The following MYO7A variants were observed in gnomAD, a reference collection of about 807,000 sequenced individuals.
MYO7A encodes the protein unconventional myosin-VIIa.
A neutral mutation model predicts 263.8 loss-of-function variants in MYO7A; 210 were observed. The observed-to-expected ratio is 0.80, with a 90% CI of 0.71 to 0.89. The LOEUF is 0.89. MYO7A is among the 40% of genes least tolerant of loss of function. The pLI, the probability that MYO7A is intolerant of heterozygous loss-of-function variation, is 0.00. For missense variants in MYO7A, 2,820 were observed against 2,968.3 expected, an observed-to-expected ratio of 0.95 and a Z score of 1.16; for synonymous variants, 1,239 against 1,197.3, an observed-to-expected ratio of 1.03 and a Z score of -0.72.
chr11:77,206,235 C>T lies in MYO7A; in HGVS notation c.5742+33C>T, dbSNP rs570056330. The T allele has an allele frequency of 1.4e-5, 21 of 1,547,646 alleles. No homozygotes were observed. In the South Asian group the frequency reaches 1.6e-4, roughly 12 times the overall value. Reference sequence around the variant, plus strand: ...TCACCGGCTTCTAGGTCTGCAGTGCCCAGGACAGGGCCGGGCTTCCTGGGT... The same window carrying T: ...TCACCGGCTTCTAGGTCTGCAGTGCTCAGGACAGGGCCGGGCTTCCTGGGT... On this transcript the variant is annotated intron_variant, in intron 41 of 48. Coordinates refer to ENST00000409709, the MANE Select transcript of MYO7A (RefSeq NM_000260.4).
rs77808259 is a variant in MYO7A at position 77,156,587 on chromosome 11, G to A, written c.471-73G>A. ...GATGGGGGAGCTGGTGGATGGTGCA[G>A]CCTGGGCTGAGTTCCAGTTGGTGGG... On this transcript the variant is annotated intron_variant, in intron 5 of 48. Transcript: ENST00000409709. 2,778 of 1,597,022 alleles carry A rather than the reference G, an allele frequency of 1.7e-3. 44 individuals carry two copies. The African/African-American group carries it at 0.035, about 20-fold the overall frequency.
chr11:77,179,433 C>T (rs1368685891), intron 20 of MYO7A, among the ~76,000 whole-genome samples: 1 of 152,230 alleles, frequency 6.6e-6, no homozygotes, highest in Non-Finnish European at 1.5e-5. Context: ...GACCTCTGTG[C>T]AGCAGCTGGG....
intron 17 of MYO7A, among the ~76,000 whole-genome samples, 177 bp downstream of exon 17, chr11:77,175,091 G>A (rs964277041): frequency 1.3e-5 from 2 of 152,220 alleles, no homozygotes; most frequent in East Asian, 3.9e-4. Flanking sequence ...CAGTTGCCAT[G>A]TTCAGCTGGT....
In MYO7A at chr11:77,179,792, C is replaced by G. The variant is rs1955013824; in HGVS notation, c.2425C>G (p.Gln809Glu). ...ALHRSRKLHQ[Q>E]YRLARQRIIQ... ...GCACCGCTCCCGGAAGCTGCACCAGCAGTACCGCCTGGCCCGCCAGCGCAT... is the reference window on the plus strand; with the variant it reads ...GCACCGCTCCCGGAAGCTGCACCAGGAGTACCGCCTGGCCCGCCAGCGCAT... Residue 809 changes from glutamine (Q) to glutamate (E), a missense_variant, in exon 21 of 49, where the codon CAG becomes GAG. Transcript: ENST00000409709. 6.4e-7 allele frequency: 1 copy of G among 1,550,584 alleles called. No homozygotes were observed. Among genetic ancestry groups the G allele is most frequent in the African/African-American group, 1.4e-5 (1 of 73,258 alleles).
At chr11:77,203,024 G>A (rs746383956) in intron 37 of MYO7A, 36 bp from the exon 38 acceptor site, 202 of 1,541,482 alleles carry the variant, frequency 1.3e-4, no homozygotes, top group East Asian at 3.4e-4. Flanking sequence ...GGCTGCCAGC[G>A]ATGGGGCGTT....
intron 19 of MYO7A, 55 bp from the exon 20 acceptor site, chr11:77,178,990 C>G: frequency 6.8e-7 from 1 of 1,470,396 alleles, no homozygotes; most frequent in South Asian, 1.2e-5. Context: ...CCAAACCCAC[C>G]TGTACCCTGG....
At chr11:77,204,263 A>C (rs1591479887) in intron 39 of MYO7A, 34 bp downstream of exon 39, 1 of 1,553,320 alleles carries the variant, frequency 6.4e-7, no homozygotes, top group South Asian at 1.2e-5. Flanking sequence ...TGAGGGGCAG[A>C]CCTCACCTGC....
chr11:77,157,491 G>A, intron 8 of MYO7A, 99 bp downstream of exon 8: 1 of 775,676 alleles, frequency 1.3e-6, no homozygotes, highest in Non-Finnish European at 2.1e-6. Flanking sequence ...CTGGTCACAG[G>A]GCTCAGGTGC....
At position 77,165,928 on chromosome 11, in the gene MYO7A, G is replaced by GT. The variant is rs761344292; in HGVS notation, c.1691-128_1691-127insT. ...AAGTCTCTGTCCCCTCCAGGCCTCA[G>GT]GGCCCCCGTCATGAAATGGATGTGG... On this transcript the variant is annotated intron_variant, in intron 14 of 48. Transcript: ENST00000409709. 0.011 allele frequency: 6,963 copies of GT among 632,046 alleles called. 66 individuals carry two copies. Among genetic ancestry groups the GT allele is most frequent in the Non-Finnish European group, 0.014 (5,118 of 369,148 alleles). The allele number at this position is 632,046 out of a possible 1,614,324, so 39.2% of individuals were successfully genotyped here.
At position 77,144,096 on chromosome 11, in the gene MYO7A, C is replaced by T. The variant is rs183760340; in HGVS notation, c.132+1274C>T. Among the ~76,000 whole-genome samples the T allele has an allele frequency of 4.6e-5, 7 of 152,274 alleles. No homozygotes were observed. In the East Asian group the frequency reaches 1.2e-3, roughly 25 times the overall value. On this transcript the variant is annotated intron_variant, in intron 3 of 48. Coordinates refer to ENST00000409709, the MANE Select transcript of MYO7A (RefSeq NM_000260.4). The stretch of plus-strand genomic sequence containing the variant: ...GTAAGTGATGGTGCTGGGATTAGAA[C>T]CCAGGACCTCTGTCTTCTATGCATG...
At chr11:77,187,849 C>T (rs1955756182) in intron 27 of MYO7A, among the ~76,000 whole-genome samples, 1 of 152,158 alleles carries the variant, frequency 6.6e-6, no homozygotes, top group South Asian at 2.1e-4. Context: ...AAACTGAGGT[C>T]CAGAGTAGGG....
chr11:77,206,174 A>G lies in MYO7A; in HGVS notation c.5714A>G (p.Lys1905Arg). ...IQHKTTQIFH[K>R]VYFPDDTDEA... ...CACAAGACCACCCAGATTTTCCACA[A>G]AGTCTACTTCCCTGATGACACTGAC... Residue 1905 changes from lysine to arginine, a missense_variant, in exon 41 of 49, where the codon AAA becomes AGA. Lys to Arg is a conservative substitution (Grantham distance 26, BLOSUM62 2). Coordinates refer to ENST00000409709, the MANE Select transcript of MYO7A (RefSeq NM_000260.4). 6.2e-7 allele frequency: 1 copy of G among 1,613,288 alleles called. No individual in the cohort carries two copies. Among genetic ancestry groups the G allele is most frequent in the African/African-American group, 1.3e-5 (1 of 74,982 alleles).
At chr11:77,142,881 C>A in intron 3 of MYO7A, 59 bp downstream of exon 3, 2 of 1,372,656 alleles carry the variant, frequency 1.5e-6, no homozygotes, top group Non-Finnish European at 2.0e-6. Context: ...GGGCTGACAG[C>A]TGCCTTGATG....
chr11:77,192,844 G>T (rs1956200685), intron 31 of MYO7A, among the ~76,000 whole-genome samples: 1 of 151,770 alleles, frequency 6.6e-6, no homozygotes, highest in East Asian at 1.9e-4. Flanking sequence ...GATGGTGGAG[G>T]TAGTGATGGT....
chr11:77,197,430 C>A lies in MYO7A; in HGVS notation c.4324-51C>A, dbSNP rs989808823. ...AGGCAGCAGCAGCTGATTTTTAGAGCAAACTCACTCGTATGTTGTCTTCTG... is the reference window on the plus strand; with the variant it reads ...AGGCAGCAGCAGCTGATTTTTAGAGAAAACTCACTCGTATGTTGTCTTCTG... On this transcript the variant is annotated intron_variant, in intron 32 of 48. Transcript: ENST00000409709. The A allele has an allele frequency of 4.3e-6, 6 of 1,397,808 alleles. No individual in the cohort carries two copies. In the African/African-American group the frequency reaches 7.2e-5, roughly 17 times the overall value. The allele number at this position is 1,397,808 out of a possible 1,614,324, so 86.6% of individuals were successfully genotyped here.
rs763780134 is a variant in MYO7A, at chr11:77,194,349, C to T, written c.4153-5C>T. On this transcript the variant is annotated splice_polypyrimidine_tract_variant and splice_region_variant and intron_variant, in intron 31 of 48. Coordinates refer to ENST00000409709, the MANE Select transcript of MYO7A (RefSeq NM_000260.4). ...AATGCATGACCGAGGCCTCCCCCCA[C>T]CTAGGAGGACGACCTGGCTGAGCTG... The T allele has an allele frequency of 1.6e-5, 26 of 1,610,176 alleles. 2 individuals carry two copies. In the South Asian group the frequency reaches 2.9e-4, roughly 18 times the overall value.
chr11:77,165,383 C>T (rs1953436825), intron 14 of MYO7A, among the ~76,000 whole-genome samples: 1 of 152,186 alleles, frequency 6.6e-6, no homozygotes, highest in African/African-American at 2.4e-5. Context: ...GTGGCAGCCT[C>T]CTCTGGGGTC....
intron 4 of MYO7A, among the ~76,000 whole-genome samples, chr11:77,151,446 C>A (rs1223266742): frequency 6.6e-6 from 1 of 152,122 alleles, no homozygotes; most frequent in African/African-American, 2.4e-5. Flanking sequence ...CTCCATGGCC[C>A]GCTAAATGCT....
chr11:77,175,000 G>A (rs1954505732), intron 17 of MYO7A, 86 bp downstream of exon 17: 5 of 1,534,968 alleles, frequency 3.3e-6, no homozygotes, highest in South Asian at 2.4e-5. Flanking sequence ...CAGGACCATG[G>A]GCGGGGCTTG....
Sources: allele counts gnomAD v4.1 joint callset (sites outside exome capture counted in the v4.1 genomes callset), GRCh38; gene constraint gnomAD v4.1.1; transcripts MANE v1.5; gene names NCBI Gene and HGNC (gene_info 2026-07-23, HGNC 2026-07-21).